The following RHOA variants were observed in gnomAD, a reference collection of about 807,000 sequenced individuals.
RHOA encodes transforming protein RhoA.
In RHOA, 3 loss-of-function variants were observed where a neutral mutation model predicts 17.5. The ratio of observed to expected loss-of-function variants is 0.17; its 90% confidence interval spans 0.08 to 0.44. The LOEUF (loss-of-function observed/expected upper bound fraction) is 0.44. Among genes scored for constraint, RHOA ranks in the 20% least tolerant of loss-of-function variants. The pLI is 0.99. For synonymous variants in RHOA, 98 were observed against 88.4 expected (o/e 1.11, Z -0.61); for missense variants, 56 against 242.3 (o/e 0.23, Z 5.10).
chr3:49,375,975 A>C (rs1017716055), intron 1 of RHOA, among the ~76,000 whole-genome samples: 3 of 152,054 alleles, frequency 2.0e-5, no homozygotes, highest in African/African-American at 7.2e-5. Context: ...CAGACTCCCA[A>C]GTAGCTGGGA....
chr3:49,378,190 A>G (rs76312464), intron 1 of RHOA, among the ~76,000 whole-genome samples: 37 of 149,610 alleles, frequency 2.5e-4, no homozygotes, highest in African/African-American at 5.1e-4. Context: ...AAAAAAAAAA[A>G]AGAGAGAACT....
intron 1 of RHOA, among the ~76,000 whole-genome samples, chr3:49,388,878 G>A (rs1433430682): frequency 6.6e-6 from 1 of 152,094 alleles, no homozygotes; most frequent in Admixed American, 6.6e-5. Flanking sequence ...GCCATACAGT[G>A]GAGTACTACT....
intron 3 of RHOA, 31 bp from the exon 4 acceptor site, chr3:49,362,657 A>G: frequency 6.3e-7 from 1 of 1,593,688 alleles, no homozygotes; most frequent in Non-Finnish European, 8.6e-7. Context: ...ATTTGGGGAT[A>G]CATACAATTC....
At chr3:49,374,981 TG>T (rs1356657876) in intron 2 of RHOA, among the ~76,000 whole-genome samples, 5 of 151,274 alleles carry the variant, frequency 3.3e-5, no homozygotes, top group Non-Finnish European at 7.4e-5. Flanking sequence ...CCTTTAAACC[TG>T]GGGGAAGGCT....
At chr3:49,407,996 C>T (rs568876936) in intron 1 of RHOA, among the ~76,000 whole-genome samples, 26 of 152,170 alleles carry the variant, frequency 1.7e-4, no homozygotes, top group South Asian at 1.7e-3. Flanking sequence ...CCCGTCTCTA[C>T]TAAAAATACA....
intron 2 of RHOA, 126 bp from the exon 3 acceptor site, chr3:49,368,674 A>G (rs1259509608): frequency 3.1e-6 from 3 of 965,350 alleles, no homozygotes; most frequent in South Asian, 1.5e-5. Flanking sequence ...CTAAAACAGT[A>G]AAACACAGGA....
In RHOA at chr3:49,360,052, A is replaced by AATG. The variant is rs2047936076; in HGVS notation, c.*156_*157insCAT. 4.7e-6 allele frequency: 4 copies of AATG among 845,900 alleles called. No individual in the cohort carries two copies. The highest frequency in any genetic ancestry group is 5.3e-6 in the Non-Finnish European group (3 of 570,104). 52.4% of individuals were successfully genotyped at this position (845,900 alleles called of 1,614,324 possible). A position where few individuals can be genotyped will look rare whatever the true frequency, so the allele number is the denominator to read the frequency against. ...GCCAGACGGGTTGGACATCGTTAAT[A>AATG]ATCATAGTTGGCTTCTAAATACTGG... On this transcript the variant is annotated 3_prime_UTR_variant, in exon 5 of 5. Transcript: ENST00000418115.
At chr3:49,383,275 C>T (rs927038554) in intron 1 of RHOA, among the ~76,000 whole-genome samples, 4 of 151,506 alleles carry the variant, frequency 2.6e-5, no homozygotes, top group Admixed American at 6.6e-5. Context: ...AAAAAATTAG[C>T]CGGGCATGGT....
chr3:49,380,381 G>A (rs2048296438), intron 1 of RHOA, among the ~76,000 whole-genome samples: 1 of 152,056 alleles, frequency 6.6e-6, no homozygotes, highest in African/African-American at 2.4e-5. Flanking sequence ...TATTTTTCAA[G>A]TCTCTGTTAC....
chr3:49,402,324 C>T (rs1197480407), intron 1 of RHOA, among the ~76,000 whole-genome samples: 2 of 152,030 alleles, frequency 1.3e-5, no homozygotes, highest in Non-Finnish European at 2.9e-5. Flanking sequence ...AGTGAGCTGG[C>T]TAAGAATTTA....
intron 3 of RHOA, among the ~76,000 whole-genome samples, chr3:49,367,342 C>CA (rs62926260): frequency 0.016 from 1,256 of 80,270 alleles, 38 homozygotes; most frequent in Non-Finnish European, 0.018. Context: ...GACTCCCTCT[C>CA]AAAAAAAAAA....
intron 1 of RHOA, among the ~76,000 whole-genome samples, chr3:49,384,955 C>T (rs937592778): frequency 1.3e-5 from 2 of 151,514 alleles, no homozygotes; most frequent in East Asian, 3.9e-4. Context: ...CCCAGCTACT[C>T]GGGAGGCTGA....
intron 1 of RHOA, among the ~76,000 whole-genome samples, chr3:49,410,221 C>T (rs777591294): frequency 7.2e-5 from 11 of 152,254 alleles, no homozygotes; most frequent in East Asian, 1.9e-4. Context: ...TGGAGAATAC[C>T]TTAACAGAGC....
At chr3:49,390,017 G>A (rs2048469442) in intron 1 of RHOA, among the ~76,000 whole-genome samples, 1 of 151,410 alleles carries the variant, frequency 6.6e-6, no homozygotes, top group Admixed American at 6.6e-5. Flanking sequence ...TGATTTAGAA[G>A]ACAGAAGCAA....
At chr3:49,386,707 T>C (rs1008861905) in intron 1 of RHOA, among the ~76,000 whole-genome samples, 1 of 152,162 alleles carries the variant, frequency 6.6e-6, no homozygotes, top group Non-Finnish European at 1.5e-5. Context: ...ATATGCAACT[T>C]AGGGCGATTA....
intron 2 of RHOA, among the ~76,000 whole-genome samples, chr3:49,374,409 T>C (rs2048191430): frequency 6.6e-6 from 1 of 151,898 alleles, no homozygotes; most frequent in Non-Finnish European, 1.5e-5. Context: ...AAACTTCAAA[T>C]ATACGTAAAC....
intron 1 of RHOA, among the ~76,000 whole-genome samples, chr3:49,402,467 A>C (rs2048741395): frequency 6.6e-6 from 1 of 152,140 alleles, no homozygotes; most frequent in African/African-American, 2.4e-5. Flanking sequence ...AGAGCTCAGG[A>C]GTTAGAGACC....
intron 1 of RHOA, among the ~76,000 whole-genome samples, chr3:49,406,329 G>C (rs1376512359): frequency 6.6e-6 from 1 of 152,144 alleles, no homozygotes; most frequent in Non-Finnish European, 1.5e-5. Context: ...GCAACATACA[G>C]ACTAGGATAC....
intron 1 of RHOA, among the ~76,000 whole-genome samples, chr3:49,400,594 G>A (rs754859586): frequency 1.2e-4 from 18 of 152,004 alleles, no homozygotes; most frequent in Non-Finnish European, 2.1e-4. Flanking sequence ...GGTGCCATGC[G>A]TCTGTAATCC....
Sources: gnomAD v4.1 joint callset for allele counts (sites outside exome capture counted in the v4.1 genomes callset) on GRCh38, gnomAD v4.1.1 for gene constraint, MANE v1.5 for transcripts, NCBI Gene and HGNC (gene_info 2026-07-23, HGNC 2026-07-21) for gene names.